The following SLC12A6 variants were observed in gnomAD, a reference collection of about 807,000 sequenced individuals.
SLC12A6 encodes the protein solute carrier family 12 member 6.
A neutral mutation model predicts 135.3 loss-of-function variants in SLC12A6; 66 were observed. The ratio of observed to expected loss-of-function variants is 0.49; its 90% CI spans 0.40 to 0.60. The LOEUF (loss-of-function observed/expected upper bound fraction) is 0.60. Among genes scored for constraint, SLC12A6 ranks in the 20% least tolerant of loss-of-function variants. The pLI, the probability that SLC12A6 is intolerant of heterozygous loss-of-function variation, is 0.00. For missense variants in SLC12A6, 1,058 were observed against 1,452.3 expected (o/e 0.73, Z 4.41); for synonymous variants, 513 against 508.8 (o/e 1.01, Z -0.11).
intron 8 of SLC12A6, 35 bp from the exon 9 acceptor site, chr15:34,254,624 T>C: frequency 6.6e-7 from 1 of 1,518,728 alleles, no homozygotes; most frequent in Non-Finnish European, 9.1e-7. Flanking sequence ...AATTAGGTTA[T>C]TTCAAAATAA....
At chr15:34,259,070 T>G in intron 4 of SLC12A6, 126 bp from the exon 5 acceptor site, 1 of 738,350 alleles carries the variant, frequency 1.4e-6, no homozygotes, top group Non-Finnish European at 2.3e-6. Flanking sequence ...CCGGGTGCAG[T>G]GGCTCACACC....
intron 2 of SLC12A6, among the ~76,000 whole-genome samples, chr15:34,302,389 T>C (rs940103639): frequency 1.3e-5 from 2 of 151,918 alleles, no homozygotes; most frequent in African/African-American, 4.8e-5. Flanking sequence ...CTGAAGAAAA[T>C]TATGTATAAA....
At chr15:34,268,413 G>A (rs575160733) in intron 3 of SLC12A6, among the ~76,000 whole-genome samples, 3 of 152,314 alleles carry the variant, frequency 2.0e-5, no homozygotes, top group African/African-American at 7.2e-5. Context: ...GTTGTGCAAT[G>A]GGAGGCTCCC....
intron 2 of SLC12A6, among the ~76,000 whole-genome samples, chr15:34,315,950 CA>C (rs1888618816): frequency 6.6e-6 from 1 of 151,730 alleles, no homozygotes; most frequent in Non-Finnish European, 1.5e-5. Flanking sequence ...AAAAACAAAA[CA>C]AAACAAAAAA....
chr15:34,336,708 G>C lies in SLC12A6; in HGVS notation c.-28C>G, dbSNP rs776495836. The stretch of plus-strand genomic sequence containing the variant: ...TGTTCTTTTTAAGAACAAAAAAAGT[G>C]GGGGGAACCTCGCAAAATCTTCCTC... On this transcript the variant is annotated 5_prime_UTR_variant, in exon 2 of 26. Transcript: ENST00000354181. 2.5e-6 allele frequency: 4 copies of C among 1,608,322 alleles called. No homozygotes were observed. Among genetic ancestry groups the C allele is most frequent in the Non-Finnish European group, 3.4e-6 (4 of 1,174,740 alleles).
chr15:34,300,409 G>A (rs1896160997), intron 2 of SLC12A6, among the ~76,000 whole-genome samples: 1 of 152,040 alleles, frequency 6.6e-6, no homozygotes, highest in Non-Finnish European at 1.5e-5. Context: ...CAACATTGTT[G>A]GAAATGATGA....
Position 34,324,901 on chromosome 15 carries a change from T to TA in SLC12A6, c.271+11508dup, listed in dbSNP as rs1889364247. Among the ~76,000 whole-genome samples the TA allele has an allele frequency of 5.3e-5, 8 of 152,132 alleles. No individual in the cohort carries two copies. In the South Asian group the frequency reaches 1.7e-3, roughly 32 times the overall value. The stretch of plus-strand genomic sequence containing the variant: ...ATTCATTATGGGCCAATAATTTTGT[T>TA]AAAAAATAGTAAAAATGAATTACTA... On this transcript the variant is annotated intron_variant, in intron 2 of 25. Transcript: ENST00000354181.
intron 12 of SLC12A6, 119 bp from the exon 13 acceptor site, chr15:34,250,474 C>A: frequency 2.3e-6 from 2 of 864,632 alleles, no homozygotes; most frequent in Non-Finnish European, 4.0e-6. Flanking sequence ...CCTATAAATT[C>A]TTTTTTGAAT....
At chr15:34,336,119 A>C (rs1890177063) in intron 2 of SLC12A6, among the ~76,000 whole-genome samples, 1 of 152,154 alleles carries the variant, frequency 6.6e-6, no homozygotes, top group Non-Finnish European at 1.5e-5. Context: ...TTTGATATTC[A>C]CTTTTAACCA....
chr15:34,305,600 A>G (rs1443199057), intron 2 of SLC12A6, among the ~76,000 whole-genome samples: 2 of 152,086 alleles, frequency 1.3e-5, no homozygotes, highest in African/African-American at 4.8e-5. Context: ...CCTGGTGCTT[A>G]CACTCTAGCA....
chr15:34,298,454 G>A (rs1402713242), intron 2 of SLC12A6, among the ~76,000 whole-genome samples: 2 of 151,400 alleles, frequency 1.3e-5, no homozygotes, highest in Non-Finnish European at 2.9e-5. Flanking sequence ...CAGCCTAGGC[G>A]ACAGAGTGAG....
intron 2 of SLC12A6, among the ~76,000 whole-genome samples, chr15:34,306,122 T>A (rs903989908): frequency 6.6e-6 from 1 of 152,236 alleles, no homozygotes; most frequent in Admixed American, 6.5e-5. Context: ...TTTTTCTCTT[T>A]CAGGTTGCCT....
At chr15:34,279,449 A>G (rs1894525022) in intron 2 of SLC12A6, among the ~76,000 whole-genome samples, 1 of 152,302 alleles carries the variant, frequency 6.6e-6, no homozygotes, top group East Asian at 1.9e-4. Context: ...ACAATTGTTC[A>G]GTGGATTTAA....
intron 2 of SLC12A6, among the ~76,000 whole-genome samples, chr15:34,335,671 A>T (rs1890150520): frequency 6.6e-6 from 1 of 152,166 alleles, no homozygotes; most frequent in Non-Finnish European, 1.5e-5. Flanking sequence ...AAGCCAGCTG[A>T]CACACACAAA....
intron 2 of SLC12A6, among the ~76,000 whole-genome samples, chr15:34,300,293 GCTATA>G (rs963319084): frequency 9.9e-5 from 15 of 152,140 alleles, no homozygotes; most frequent in African/African-American, 3.6e-4. Flanking sequence ...AGAAGGTTTA[GCTATA>G]TGAGAATGGA....
chr15:34,269,123 G>T (rs1026118245), intron 3 of SLC12A6, among the ~76,000 whole-genome samples: 3 of 152,168 alleles, frequency 2.0e-5, no homozygotes, highest in East Asian at 1.9e-4. Flanking sequence ...CTCCCAAACT[G>T]CTGGGATTAC....
At chr15:34,303,062 A>C (rs17236833) in intron 2 of SLC12A6, among the ~76,000 whole-genome samples, 7,175 of 152,290 alleles carry the variant, frequency 0.047, 181 homozygotes, top group Non-Finnish European at 0.062. Context: ...TTTCATTTTA[A>C]AGATGGTTTT....
chr15:34,245,204 A>C (rs1172598411), intron 15 of SLC12A6, 81 bp downstream of exon 15: 7 of 837,104 alleles, frequency 8.4e-6, no homozygotes, highest in Non-Finnish European at 1.5e-5. Context: ...TGTTATCACT[A>C]CTGTTATATG....
chr15:34,328,676 C>T (rs1018277062), intron 2 of SLC12A6, among the ~76,000 whole-genome samples: 2 of 152,094 alleles, frequency 1.3e-5, no homozygotes, highest in Non-Finnish European at 2.9e-5. Context: ...CTCAGGAGTT[C>T]GAGACCAACC....
Sources: gnomAD v4.1 joint callset for allele counts (sites outside exome capture counted in the v4.1 genomes callset) on GRCh38, gnomAD v4.1.1 for gene constraint, MANE v1.5 for transcripts, NCBI Gene and HGNC (gene_info 2026-07-23, HGNC 2026-07-21) for gene names.